The following HS3ST4 variants were observed in gnomAD, a reference collection of about 807,000 sequenced individuals.
The protein encoded by HS3ST4 is heparan sulfate glucosamine 3-O-sulfotransferase 4.
A neutral mutation model predicts 29.2 loss-of-function variants in HS3ST4; 17 were observed. The observed-to-expected ratio is 0.58, with a 90% CI of 0.40 to 0.87. HS3ST4 has a LOEUF of 0.87. Ranked by LOEUF, HS3ST4 falls within the 40% of genes least tolerant of loss-of-function variation. The probability of loss-of-function intolerance (pLI) is 0.00; values close to 1 mark genes in which losing one functional copy is unlikely to be tolerated. For missense variants in HS3ST4, 627 were observed against 634.5 expected (o/e 0.99, Z 0.13); for synonymous variants, 314 against 285.7 (o/e 1.10, Z -1.00).
intron 1 of HS3ST4, among the ~76,000 whole-genome samples, chr16:25,806,320 C>CGTGT (rs376606482): frequency 6.6e-6 from 1 of 150,968 alleles, no homozygotes; most frequent in Non-Finnish European, 1.5e-5. Context: ...TGAGTGCAAG[C>CGTGT]GTGTGTGTGT....
At chr16:25,925,647 C>G (rs936979877) in intron 1 of HS3ST4, among the ~76,000 whole-genome samples, 1 of 152,212 alleles carries the variant, frequency 6.6e-6, no homozygotes, top group African/African-American at 2.4e-5. Flanking sequence ...AAATTAAACA[C>G]TTCACTCCAC....
intron 1 of HS3ST4, among the ~76,000 whole-genome samples, chr16:25,726,525 AG>A (rs1487442632): frequency 6.6e-6 from 1 of 152,196 alleles, no homozygotes; most frequent in Non-Finnish European, 1.5e-5. Context: ...ACTGGGTTAA[AG>A]GGTGAGCAGT....
At chr16:25,794,206 C>T (rs1282769400) in intron 1 of HS3ST4, among the ~76,000 whole-genome samples, 1 of 152,054 alleles carries the variant, frequency 6.6e-6, no homozygotes, top group Non-Finnish European at 1.5e-5. Context: ...CTCTTCTAGG[C>T]TTTTGCATGA....
chr16:25,855,209 A>C (rs1281545752), intron 1 of HS3ST4, among the ~76,000 whole-genome samples: 7 of 152,180 alleles, frequency 4.6e-5, no homozygotes, highest in Admixed American at 1.3e-4. Flanking sequence ...ATGGTAGAAA[A>C]AAATTCTTGA....
rs34713423 is a variant in HS3ST4, at chr16:25,886,027, G to GTTTTTT, written c.734+192894_734+192899dup. 1.1e-3 allele frequency among the ~76,000 whole-genome samples: 93 copies of GTTTTTT among 82,758 alleles called. 7 individuals are homozygous for GTTTTTT. Among genetic ancestry groups the GTTTTTT allele is most frequent in the Admixed American group, 2.0e-3 (12 of 5,866 alleles). 54.3% of individuals were successfully genotyped at this position (82,758 alleles called of 152,430 possible). The stretch of plus-strand genomic sequence containing the variant: ...AAATGGGAGTACTTTTCTTACTGTG[G>GTTTTTT]TTTTTTTTTTTTTTTTTTTTTTTGA... On this transcript the variant is annotated intron_variant, in intron 1 of 1. Coordinates refer to ENST00000331351, the MANE Select transcript of HS3ST4 (RefSeq NM_006040.3).
intron 1 of HS3ST4, among the ~76,000 whole-genome samples, chr16:26,117,070 C>A (rs1017082371): frequency 6.6e-6 from 1 of 152,208 alleles, no homozygotes; most frequent in East Asian, 1.9e-4. Flanking sequence ...TCTGGCTGCA[C>A]ACTAAAATCC....
intron 1 of HS3ST4, among the ~76,000 whole-genome samples, chr16:25,899,533 T>C (rs1968102300): frequency 6.6e-6 from 1 of 151,838 alleles, no homozygotes; most frequent in Non-Finnish European, 1.5e-5. Context: ...TGAGACGGAG[T>C]CTCACTCTGT....
At chr16:25,967,150 C>G (rs1968850190) in intron 1 of HS3ST4, among the ~76,000 whole-genome samples, 1 of 152,092 alleles carries the variant, frequency 6.6e-6, no homozygotes, top group Non-Finnish European at 1.5e-5. Flanking sequence ...TTCTATAATT[C>G]TTTGTTTTTT....
At chr16:25,853,586 T>C (rs1437807987) in intron 1 of HS3ST4, among the ~76,000 whole-genome samples, 1 of 152,200 alleles carries the variant, frequency 6.6e-6, no homozygotes, top group Non-Finnish European at 1.5e-5. Context: ...TCTATACCTA[T>C]ATTGTTGAAA....
intron 1 of HS3ST4, among the ~76,000 whole-genome samples, chr16:25,889,946 T>C (rs1967991784): frequency 6.6e-6 from 1 of 152,176 alleles, no homozygotes; most frequent in Non-Finnish European, 1.5e-5. Flanking sequence ...ATGTAAGATG[T>C]GCCTTTCGCC....
At chr16:25,703,153 G>A (rs1966347522) in intron 1 of HS3ST4, among the ~76,000 whole-genome samples, 1 of 151,974 alleles carries the variant, frequency 6.6e-6, no homozygotes, top group South Asian at 2.1e-4. Flanking sequence ...CAGAGCAAGA[G>A]TCTGTCTCAA....
Position 26,053,586 on chromosome 16 carries a change from GA to G in HS3ST4, c.735-82025del, listed in dbSNP as rs760325230. On this transcript the variant is annotated intron_variant, in intron 1 of 1. Coordinates refer to ENST00000331351, the MANE Select transcript of HS3ST4 (RefSeq NM_006040.3). Reference sequence around the variant, plus strand: ...GTGGTTCTGATCATCTGGGGACAAGGAGATCTTGATTTTTGGTTTGGGACTT... The same window carrying G: ...GTGGTTCTGATCATCTGGGGACAAGGGATCTTGATTTTTGGTTTGGGACTT... Among the ~76,000 whole-genome samples the G allele has an allele frequency of 4.0e-4, 61 of 152,250 alleles. 1 individual carries two copies. The highest frequency in any genetic ancestry group is 8.5e-4 in the Admixed American group (13 of 15,296).
chr16:26,081,287 C>CAAAA (rs11305983), intron 1 of HS3ST4, among the ~76,000 whole-genome samples: 11 of 131,024 alleles, frequency 8.4e-5, no homozygotes, highest in African/African-American at 1.4e-4. Context: ...AATCCTGTCT[C>CAAAA]AAAAAAAAAA....
In HS3ST4 at chr16:25,849,887, T is replaced by C. The variant is rs539595397; in HGVS notation, c.734+156736T>C. Among the ~76,000 whole-genome samples, 40 of 152,226 alleles carry C rather than the reference T, an allele frequency of 2.6e-4. No homozygotes were observed. In the South Asian group the frequency reaches 8.3e-3, roughly 32 times the overall value. On this transcript the variant is annotated intron_variant, in intron 1 of 1. Transcript: ENST00000331351. ...TATGACATCTGTCACCTTAATTCTA[T>C]TTTTTTCTGATACTTATGTTGCTAA...
In HS3ST4 at chr16:26,135,872, G is replaced by A. The variant is rs867965756; in HGVS notation, c.995G>A (p.Arg332Gln). The A allele has an allele frequency of 5.6e-6, 9 of 1,613,924 alleles. No individual in the cohort carries two copies. The highest frequency in any genetic ancestry group is 1.6e-4 in the Middle Eastern group (1 of 6,062). Residue 332 changes from arginine to glutamine, a missense_variant, in exon 2 of 2, where the codon CGA becomes CAA. Physicochemically the swap from Arg to Gln is conservative, Grantham distance 43. Transcript: ENST00000331351. ...GLIDASWSAI[R>Q]IGIYALHLEN... The stretch of plus-strand genomic sequence containing the variant: ...ATCGATGCTTCCTGGAGTGCCATTC[G>A]AATAGGGATCTATGCGCTGCATCTG...
intron 1 of HS3ST4, among the ~76,000 whole-genome samples, chr16:25,816,372 C>T (rs940936353): frequency 6.6e-6 from 1 of 152,142 alleles, no homozygotes; most frequent in Non-Finnish European, 1.5e-5. Context: ...CAGAGGCGAT[C>T]GATACCTTTG....
At chr16:25,900,348 C>CA (rs1378965314) in intron 1 of HS3ST4, among the ~76,000 whole-genome samples, 1 of 150,366 alleles carries the variant, frequency 6.7e-6, no homozygotes, top group African/African-American at 2.5e-5. Context: ...GGAGGATTTG[C>CA]AAAAAATGCT....
At chr16:26,020,527 A>G (rs1190426840) in intron 1 of HS3ST4, among the ~76,000 whole-genome samples, 1 of 152,230 alleles carries the variant, frequency 6.6e-6, no homozygotes, top group Non-Finnish European at 1.5e-5. Flanking sequence ...TTGAACCTGC[A>G]TCAGAATCAT....
intron 1 of HS3ST4, among the ~76,000 whole-genome samples, chr16:25,787,304 C>T (rs772902975): frequency 1.3e-5 from 2 of 152,154 alleles, no homozygotes; most frequent in Non-Finnish European, 1.5e-5. Context: ...GTGGGAAATA[C>T]GAGAATGTAT....
Sources: gnomAD v4.1 joint callset for allele counts (sites outside exome capture counted in the v4.1 genomes callset) on GRCh38, gnomAD v4.1.1 for gene constraint, MANE v1.5 for transcripts, NCBI Gene and HGNC (gene_info 2026-07-23, HGNC 2026-07-21) for gene names.